Variants in CYP24A1 observed in about 807,000 individuals in gnomAD.
CYP24A1 encodes cytochrome P450 family 24 subfamily A member 1, also known as 1,25-dihydroxyvitamin D(3) 24-hydroxylase, mitochondrial.
Under a neutral mutation model 62.4 loss-of-function variants are expected in CYP24A1, and 68 were observed. The ratio of observed to expected loss-of-function variants is 1.09; its 90% CI spans 0.90 to 1.33. CYP24A1 has a LOEUF of 1.33. Among genes scored for constraint, CYP24A1 ranks in the 40% most tolerant of loss-of-function variants. The pLI is 0.00. For synonymous variants in CYP24A1, 267 were observed against 253.0 expected (o/e 1.06, Z -0.52); for missense variants, 787 against 653.0 (o/e 1.21, Z -2.24).
chr20:54,158,847 T>G, intron 8 of CYP24A1, 110 bp downstream of exon 8: 4 of 1,573,778 alleles, frequency 2.5e-6, no homozygotes, highest in Non-Finnish European at 3.5e-6. Context: ...AGTGTGATAA[T>G]TGTTTCTAAT....
chr20:54,152,001 T>C (rs978676354), downstream of CYP24A1, among the ~76,000 whole-genome samples: 3 of 152,140 alleles, frequency 2.0e-5, no homozygotes, highest in Non-Finnish European at 2.9e-5. Flanking sequence ...TAAATATTAT[T>C]ATCATCATGA....
rs367995295 is a variant in CYP24A1 at position 54,165,807 on chromosome 20, T to A, written c.667A>T (p.Arg223Ter). The change falls in exon 5 of 12, where the codon AGA (arginine) becomes TGA (stop). Residue 223 changes from arginine (R) to a stop codon, truncating the protein, a stop_gained. Coordinates refer to ENST00000216862, the MANE Select transcript of CYP24A1 (RefSeq NM_000782.5). LOFTEE classifies it high-confidence loss of function. ...ESICLVLYEKRFGLLQKNAGD... is the reference protein window; with the variant it reads ...ESICLVLYEK Reference sequence around the variant, plus strand: ...GCATTCTTCTGGAGAAGCCCAAATCTCTTCTCATACAACACGAGGCAGATA... The same window carrying A: ...GCATTCTTCTGGAGAAGCCCAAATCACTTCTCATACAACACGAGGCAGATA... 45 of 1,498,208 alleles carry A rather than the reference T, an allele frequency of 3.0e-5. No homozygotes were observed. Among genetic ancestry groups the A allele is most frequent in the Non-Finnish European group, 4.2e-5 (45 of 1,074,236 alleles). 92.8% of individuals were successfully genotyped at this position (1,498,208 alleles called of 1,614,324 possible).
In CYP24A1 at chr20:54,173,415, C is replaced by T. The variant is rs1214111067; in HGVS notation, c.165G>A (p.Ala55=). Residue 55 remains alanine, a synonymous_variant, in exon 1 of 12, where the codon GCG becomes GCA. Coordinates refer to ENST00000216862, the MANE Select transcript of CYP24A1 (RefSeq NM_000782.5). This position sits in a 1 kb window ranked among gnomAD's most constrained non-coding sequence, Gnocchi z 7.2. ...PLTAGGETQN[A]AALPGPTSWP... ...AGCTGGTGGGGCCCGGCAGGGCGGC[C>T]GCGTTCTGAGTCTCGCCACCAGCTG... The T allele has an allele frequency of 6.4e-7, 1 of 1,574,714 alleles. No individual in the cohort carries two copies. Among genetic ancestry groups the T allele is most frequent in the Non-Finnish European group, 8.6e-7 (1 of 1,159,278 alleles).
chr20:54,164,409 G>C (rs2092663314), intron 6 of CYP24A1, 43 bp downstream of exon 6: 2 of 1,613,692 alleles, frequency 1.2e-6, no homozygotes, highest in Admixed American at 1.7e-5. Context: ...AGACACGGGG[G>C]TGCTGGGCTG....
chr20:54,159,946 ACATT>A (rs1192002561), intron 7 of CYP24A1, among the ~76,000 whole-genome samples: 2 of 152,240 alleles, frequency 1.3e-5, no homozygotes, highest in Admixed American at 6.5e-5. Flanking sequence ...GATATAAAAA[ACATT>A]CATATAAAAA....
rs1225652345 is a variant in CYP24A1, at chr20:54,157,189, C to G, written c.1535G>C (p.Cys512Ser). 1 of 1,590,398 alleles carries G rather than the reference C, an allele frequency of 6.3e-7. No individual in the cohort carries two copies. Among genetic ancestry groups the G allele is most frequent in the Non-Finnish European group, 8.6e-7 (1 of 1,158,822 alleles). ...CTCACCTGAGGCGTATTATCGCTGGCAAAACGCGATGGGGAGTTCCCGGCT... is the reference window on the plus strand; with the variant it reads ...CTCACCTGAGGCGTATTATCGCTGGGAAAACGCGATGGGGAGTTCCCGGCT... Reference protein sequence around the residue: ...VPSRELPIAFCQR With the variant: ...VPSRELPIAFSQR Residue 512 changes from cysteine (C) to serine (S), a missense_variant, in exon 11 of 12, where the codon TGC (cysteine) becomes TCC (serine). Coordinates refer to ENST00000216862, the MANE Select transcript of CYP24A1 (RefSeq NM_000782.5).
chr20:54,161,931 A>C lies in CYP24A1; in HGVS notation c.990+786T>G, dbSNP rs552208059. ...ATTTTGCTTAGAGACTTTAAGGTGCATGAAATGTTGGACTTAGGAGGAGGT... is the reference window on the plus strand; with the variant it reads ...ATTTTGCTTAGAGACTTTAAGGTGCCTGAAATGTTGGACTTAGGAGGAGGT... On this transcript the variant is annotated intron_variant, in intron 7 of 11. Transcript: ENST00000216862. Among the ~76,000 whole-genome samples the C allele has an allele frequency of 8.5e-5, 13 of 152,346 alleles. No individual in the cohort carries two copies. The South Asian group carries it at 2.5e-3, about 29-fold the overall frequency.
chr20:54,173,498 C>G lies in CYP24A1; in HGVS notation c.82G>C (p.Val28Leu). 1 of 1,567,530 alleles carries G rather than the reference C, an allele frequency of 6.4e-7. No individual in the cohort carries two copies. The highest frequency in any genetic ancestry group is 8.6e-7 in the Non-Finnish European group (1 of 1,156,818). ...GGGGACGTGTACGCCGTAGATGTCACCAGTCTCGGGGGCTGCCTCGGACTG... is the reference window on the plus strand; with the variant it reads ...GGGGACGTGTACGCCGTAGATGTCAGCAGTCTCGGGGGCTGCCTCGGACTG... ...LRSPRQPPRL[V>L]TSTAYTSPQP... Residue 28 changes from valine (V) to leucine (L), a missense_variant, in exon 1 of 12, where the codon GTG (valine) becomes CTG (leucine). Transcript: ENST00000216862. This position sits in a 1 kb window ranked among gnomAD's most constrained non-coding sequence, Gnocchi z 7.2.
rs2092634476 is a variant in CYP24A1 at position 54,157,688 on chromosome 20, A to G, written c.1237-103T>C. On this transcript the variant is annotated intron_variant, in intron 9 of 11. Transcript: ENST00000216862. The stretch of plus-strand genomic sequence containing the variant: ...ACCTTACAAATCAAAAGCCAAATCC[A>G]CAAATTTATAATAATGATGGTTGCC... The G allele has an allele frequency of 5.0e-6, 4 of 801,802 alleles. No homozygotes were observed. In the Middle Eastern group the frequency reaches 8.9e-4, roughly 178 times the overall value. The allele number at this position is 801,802 out of a possible 1,614,324, so 49.7% of individuals were successfully genotyped here. A position where few individuals can be genotyped will look rare whatever the true frequency, so the allele number is the denominator to read the frequency against.
At chr20:54,169,777 G>A in intron 3 of CYP24A1, 89 bp from the exon 4 acceptor site, 1 of 1,585,848 alleles carries the variant, frequency 6.3e-7, no homozygotes, top group Non-Finnish European at 8.6e-7. Context: ...TTCAGGTCTT[G>A]CTACATCGCA....
downstream of CYP24A1, among the ~76,000 whole-genome samples, chr20:54,153,280 C>T (rs1216405965): frequency 6.6e-6 from 1 of 152,150 alleles, no homozygotes; most frequent in African/African-American, 2.4e-5. Context: ...TTTGCAATTA[C>T]AAGAATAAAC....
At chr20:54,156,153 T>A (rs1209641435) in intron 11 of CYP24A1, among the ~76,000 whole-genome samples, 1 of 152,208 alleles carries the variant, frequency 6.6e-6, no homozygotes, top group Non-Finnish European at 1.5e-5. Flanking sequence ...CCACCGCTTG[T>A]TTTTTATAAA....
Position 54,165,801 on chromosome 20 carries a change from C to T in CYP24A1, c.673G>A (p.Gly225Arg), listed in dbSNP as rs2092669866. 6.6e-7 allele frequency: 1 copy of T among 1,514,970 alleles called. No homozygotes were observed. The highest frequency in any genetic ancestry group is 9.2e-7 in the Non-Finnish European group (1 of 1,089,476). The allele number at this position is 1,514,970 out of a possible 1,614,324, so 93.8% of individuals were successfully genotyped here. ...TCCCCTGCATTCTTCTGGAGAAGCC[C>T]AAATCTCTTCTCATACAACACGAGG... ...ICLVLYEKRF[G>R]LLQKNAGDEA... The change falls in exon 5 of 12, where the codon GGG (glycine) becomes AGG (arginine). Residue 225 changes from glycine to arginine, a missense_variant. Physicochemically the swap from Gly to Arg is moderately radical, Grantham distance 125. Transcript: ENST00000216862.
In CYP24A1 at chr20:54,171,626, T is replaced by G. The variant is rs754570461; in HGVS notation, c.494A>C (p.Lys165Thr). ...WQRVRSAFQK[K>T]LMKPGEVMKL... Reference sequence around the variant, plus strand: ...CATCACTTCCCCTGGTTTCATTAGTTTCTTTTGAAAGGCACTCCGGACCCG... The same window carrying G: ...CATCACTTCCCCTGGTTTCATTAGTGTCTTTTGAAAGGCACTCCGGACCCG... The change falls in exon 3 of 12, where the codon AAA becomes ACA. Residue 165 changes from lysine (K) to threonine (T), a missense_variant. Lys to Thr is a moderately conservative substitution (Grantham distance 78). Transcript: ENST00000216862. The G allele has an allele frequency of 1.9e-6, 3 of 1,613,968 alleles. No individual in the cohort carries two copies. The highest frequency in any genetic ancestry group is 2.5e-6 in the Non-Finnish European group (3 of 1,179,888).
rs984984389 is a variant in CYP24A1, at chr20:54,154,190, G to T, written c.*582C>A. The T allele has an allele frequency of 2.8e-4, 43 of 152,036 alleles. No homozygotes were observed. Among genetic ancestry groups the T allele is most frequent in the African/African-American group, 1.0e-3 (43 of 41,390 alleles). The allele number at this position is 152,036 out of a possible 1,614,324, so 9.4% of individuals were successfully genotyped here. ...CATTTAAAAAATAAACAATTTTAAG[G>T]TCCTCTAACAAAATAATGCCCCAGT... On this transcript the variant is annotated 3_prime_UTR_variant, in exon 12 of 12. Transcript: ENST00000216862.
In CYP24A1 at chr20:54,172,946, G is replaced by C. The variant is rs750777104; in HGVS notation, c.412C>G (p.Arg138Gly). ...RLEIKPWKAY[R>G]DYRKEGYGLL... The stretch of plus-strand genomic sequence containing the variant: ...CCGTAGCCTTCTTTGCGGTAGTCGC[G>C]ATAGGCCTTCCACGGTTTGATCTCC... Residue 138 changes from arginine to glycine, a missense_variant, in exon 2 of 12, where the codon CGC becomes GGC. Coordinates refer to ENST00000216862, the MANE Select transcript of CYP24A1 (RefSeq NM_000782.5). 6 of 1,613,672 alleles carry C rather than the reference G, an allele frequency of 3.7e-6. No homozygotes were observed. Among genetic ancestry groups the C allele is most frequent in the Non-Finnish European group, 5.1e-6 (6 of 1,180,034 alleles).
At chr20:54,149,681 G>A (rs570543380), downstream of CYP24A1, among the ~76,000 whole-genome samples, 5 of 152,260 alleles carry the variant, frequency 3.3e-5, no homozygotes, top group South Asian at 8.3e-4. Flanking sequence ...ATGGAGTGAG[G>A]TTGCATTATA....
At chr20:54,146,683 T>C in the CYP24A1 span, among the ~76,000 whole-genome samples, 6 of 152,336 alleles carry the variant, frequency 3.9e-5, no homozygotes, top group East Asian at 1.2e-3. Context: ...GCTCAATGTG[T>C]GCAAAATATA....
chr20:54,169,078 T>G (rs1419239447), intron 4 of CYP24A1, among the ~76,000 whole-genome samples: 1 of 151,692 alleles, frequency 6.6e-6, no homozygotes, highest in Non-Finnish European at 1.5e-5. Context: ...TTGTATTTTT[T>G]GTAGAGACAA....
Sources: gnomAD v4.1 joint callset for allele counts (sites outside exome capture counted in the v4.1 genomes callset) on GRCh38, gnomAD v4.1.1 for gene constraint, Gnocchi (gnomAD v3.1) non-coding constraint, MANE v1.5 for transcripts, NCBI Gene and HGNC (gene_info 2026-07-23, HGNC 2026-07-21) for gene names.